The following SLC25A25 variants were observed in gnomAD, a reference collection of about 807,000 sequenced individuals.
SLC25A25 encodes the protein solute carrier family 25 member 25.
SLC25A25 carries 32 observed loss-of-function variants against 57.7 expected under a neutral mutation model. The ratio of observed to expected loss-of-function variants is 0.55; its 90% CI spans 0.42 to 0.74. The LOEUF (loss-of-function observed/expected upper bound fraction) is 0.74. Ranked by LOEUF, SLC25A25 falls within the 30% of genes least tolerant of loss-of-function variation. The pLI, the probability that SLC25A25 is intolerant of heterozygous loss-of-function variation, is 0.00. For synonymous variants in SLC25A25, 306 were observed against 291.2 expected, an observed-to-expected ratio of 1.05 and a Z score of -0.52; for missense variants, 556 against 701.3, an observed-to-expected ratio of 0.79 and a Z score of 2.34.
intron 1 of SLC25A25, among the ~76,000 whole-genome samples, chr9:128,075,519 G>GT (rs1312005737): frequency 2.0e-5 from 3 of 151,796 alleles, no homozygotes; most frequent in Non-Finnish European, 2.9e-5. Context: ...CCCCATCTCT[G>GT]TTTTTTATAA....
At chr9:128,068,883 A>C (rs1430105636) in intron 1 of SLC25A25, among the ~76,000 whole-genome samples, 1 of 151,824 alleles carries the variant, frequency 6.6e-6, no homozygotes, top group African/African-American at 2.4e-5. Flanking sequence ...TGCCTTTGTC[A>C]CCTCCTGACC....
chr9:128,068,888 C>G (rs1330840944), intron 1 of SLC25A25, among the ~76,000 whole-genome samples: 2 of 152,188 alleles, frequency 1.3e-5, no homozygotes, highest in African/African-American at 4.8e-5. Context: ...TTGTCACCTC[C>G]TGACCTCAAG....
chr9:128,102,229 C>T lies in SLC25A25; in HGVS notation c.512+114C>T, dbSNP rs1411988131. 1 of 1,436,612 alleles carries T rather than the reference C, an allele frequency of 7.0e-7. No individual in the cohort carries two copies. The highest frequency in any genetic ancestry group is 2.5e-5 in the East Asian group (1 of 40,204). The allele number at this position is 1,436,612 out of a possible 1,614,324, so 89.0% of individuals were successfully genotyped here. A position where few individuals can be genotyped will look rare whatever the true frequency, so the allele number is the denominator to read the frequency against. ...TGTGCTAAGTGGGGTGTGGAGCCCC[C>T]TGCTCTTTCTCCTGGGGGCAGAGGC... On this transcript the variant is annotated intron_variant, in intron 4 of 10. Coordinates refer to ENST00000373069, the MANE Select transcript of SLC25A25 (RefSeq NM_001330988.2). The surrounding 1 kb of genome is among the most constrained non-coding windows in gnomAD (Gnocchi z 4.1).
chr9:128,103,706 C>T lies in SLC25A25; in HGVS notation c.650C>T (p.Thr217Met), dbSNP rs370988341. The change falls in exon 6 of 11, where the codon ACG becomes ATG. Residue 217 changes from threonine to methionine, a missense_variant. This residue lies in a region of SLC25A25 where 14 missense variants were observed against 38.2 expected (regional missense o/e 0.37). Transcript: ENST00000373069. This position sits in a 1 kb window ranked among gnomAD's most constrained non-coding sequence, Gnocchi z 6.7. ...ATCTTTGATGTGGGTGAGAATCTAACGGTCCCGGATGAGTTCACAGTGGAG... is the reference window on the plus strand; with the variant it reads ...ATCTTTGATGTGGGTGAGAATCTAATGGTCCCGGATGAGTTCACAGTGGAG... ...STIFDVGENL[T>M]VPDEFTVEER... The T allele has an allele frequency of 4.7e-5, 76 of 1,614,054 alleles. No homozygotes were observed. The highest frequency in any genetic ancestry group is 6.7e-5 in the African/African-American group (5 of 74,904).
Position 128,106,478 on chromosome 9 carries a change from G to T in SLC25A25, c.1170G>T (p.Leu390=), listed in dbSNP as rs1474698856. 1 of 1,612,250 alleles carries T rather than the reference G, an allele frequency of 6.2e-7. No homozygotes were observed. Among genetic ancestry groups the T allele is most frequent in the African/African-American group, 1.3e-5 (1 of 74,906 alleles). The change falls in exon 9 of 11, where the codon CTG becomes CTT. Residue 390 remains leucine (L), a synonymous_variant. Coordinates refer to ENST00000373069, the MANE Select transcript of SLC25A25 (RefSeq NM_001330988.2). ...ACAAAGGCTATGTCCCCAACATGCT[G>T]GGCATCATCCCCTATGCCGGCATCG... The part of the protein sequence containing the change: ...AFYKGYVPNM[L]GIIPYAGIDL...
In SLC25A25 at chr9:128,101,186, A is replaced by T. The variant is rs761463295; in HGVS notation, c.352A>T (p.Arg118Trp). The T allele has an allele frequency of 6.2e-7, 1 of 1,614,256 alleles. No individual in the cohort carries two copies. Among genetic ancestry groups the T allele is most frequent in the Non-Finnish European group, 8.5e-7 (1 of 1,180,046 alleles). The change falls in exon 2 of 11, where the codon AGG becomes TGG. Residue 118 changes from arginine to tryptophan, a missense_variant. Arg to Trp is a moderately radical substitution (Grantham distance 101). Coordinates refer to ENST00000373069, the MANE Select transcript of SLC25A25 (RefSeq NM_001330988.2). This position sits in a 1 kb window ranked among gnomAD's most constrained non-coding sequence, Gnocchi z 4.9. ...HYLQDHEKKL[R>W]LVFKSLDKKN... ...TCTCCAAGATCATGAGAAGAAGCTGAGGCTGGTGTTTAAGAGTTTGGACAA... is the reference window on the plus strand; with the variant it reads ...TCTCCAAGATCATGAGAAGAAGCTGTGGCTGGTGTTTAAGAGTTTGGACAA...
intron 9 of SLC25A25, 149 bp downstream of exon 9, chr9:128,106,669 C>T (rs934834477): frequency 5.5e-5 from 59 of 1,075,610 alleles, no homozygotes; most frequent in Middle Eastern, 3.2e-4. Context: ...AGCTTTCCTT[C>T]ACCCTGCCTG....
At chr9:128,074,570 G>C (rs1028497396) in intron 1 of SLC25A25, among the ~76,000 whole-genome samples, 8 of 151,330 alleles carry the variant, frequency 5.3e-5, no homozygotes, top group African/African-American at 1.9e-4. Flanking sequence ...TTAGCCGGGC[G>C]TGGTGGCACA....
rs1009214810 is a variant in SLC25A25, at chr9:128,099,817, C to T, written c.262-1279C>T. ...AGGCGCGGTGGTGATCCTTTGAGGACGCGAGCTAGCCAGTGGGCCATCCAT... is the reference window on the plus strand; with the variant it reads ...AGGCGCGGTGGTGATCCTTTGAGGATGCGAGCTAGCCAGTGGGCCATCCAT... On this transcript the variant is annotated intron_variant, in intron 1 of 10. Transcript: ENST00000373069. This position sits in a 1 kb window ranked among gnomAD's most constrained non-coding sequence, Gnocchi z 6.8. 7.2e-5 allele frequency among the ~76,000 whole-genome samples: 11 copies of T among 152,260 alleles called. No individual in the cohort carries two copies. Among genetic ancestry groups the T allele is most frequent in the African/African-American group, 2.2e-4 (9 of 41,534 alleles).
intron 7 of SLC25A25, 63 bp from the exon 8 acceptor site, chr9:128,106,086 AG>A (rs930922577): frequency 1.6e-5 from 25 of 1,586,686 alleles, no homozygotes; most frequent in Non-Finnish European, 1.9e-5. Flanking sequence ...CCTGGAAGGG[AG>A]GGGCAGCAGC....
Position 128,102,246 on chromosome 9 carries a change from G to A in SLC25A25, c.513-124G>A. 7.1e-7 allele frequency: 1 copy of A among 1,410,426 alleles called. No homozygotes were observed. Among genetic ancestry groups the A allele is most frequent in the African/African-American group, 1.4e-5 (1 of 70,166 alleles). The allele number at this position is 1,410,426 out of a possible 1,614,324, so 87.4% of individuals were successfully genotyped here. A position where few individuals can be genotyped will look rare whatever the true frequency, so the allele number is the denominator to read the frequency against. Reference sequence around the variant, plus strand: ...GGAGCCCCCTGCTCTTTCTCCTGGGGGCAGAGGCACCTCGTGTGGTTTCTG... The same window carrying A: ...GGAGCCCCCTGCTCTTTCTCCTGGGAGCAGAGGCACCTCGTGTGGTTTCTG... On this transcript the variant is annotated intron_variant, in intron 4 of 10. Transcript: ENST00000373069. This position sits in a 1 kb window ranked among gnomAD's most constrained non-coding sequence, Gnocchi z 4.1.
chr9:128,091,241 G>A (rs1293878741), intron 1 of SLC25A25: 3 of 176,198 alleles, frequency 1.7e-5, no homozygotes, highest in African/African-American at 2.4e-5. Context: ...TTTTGCTACG[G>A]AGCCAGCTCA....
chr9:128,077,965 G>A (rs541424863), intron 1 of SLC25A25, among the ~76,000 whole-genome samples: 1 of 151,948 alleles, frequency 6.6e-6, no homozygotes, highest in African/African-American at 2.4e-5. Context: ...GTTGGAGGTT[G>A]CAGTGAACCG....
chr9:128,101,954 G>T lies in SLC25A25; in HGVS notation c.477-126G>T. On this transcript the variant is annotated intron_variant, in intron 3 of 10. Transcript: ENST00000373069. This position sits in a 1 kb window ranked among gnomAD's most constrained non-coding sequence, Gnocchi z 4.9. ...CAGCAGCCCTGGGCTCAGCTGCTGT[G>T]GCGGGCTCGTCTCGTGCCGTGCTGT... is the stretch of plus-strand genomic sequence containing the variant. The T allele has an allele frequency of 9.4e-7, 1 of 1,068,112 alleles. No individual in the cohort carries two copies. The highest frequency in any genetic ancestry group is 1.5e-5 in the South Asian group (1 of 66,310). 66.2% of individuals were successfully genotyped at this position (1,068,112 alleles called of 1,614,324 possible). A position where few individuals can be genotyped will look rare whatever the true frequency, so the allele number is the denominator to read the frequency against.
At chr9:128,087,258 A>G (rs1271140012) in intron 1 of SLC25A25, among the ~76,000 whole-genome samples, 1 of 151,672 alleles carries the variant, frequency 6.6e-6, no homozygotes, top group Non-Finnish European at 1.5e-5. Context: ...CTTTTATTTT[A>G]TTGTATTTTA....
At position 128,108,632 on chromosome 9, in the gene SLC25A25, T is replaced by C. The variant is rs1254968410; in HGVS notation, c.*1188T>C. 6.4e-6 allele frequency: 1 copy of C among 157,432 alleles called. No homozygotes were observed. Among genetic ancestry groups the C allele is most frequent in the Non-Finnish European group, 1.4e-5 (1 of 71,656 alleles). The allele number at this position is 157,432 out of a possible 1,614,324, so 9.8% of individuals were successfully genotyped here. A position where few individuals can be genotyped will look rare whatever the true frequency, so the allele number is the denominator to read the frequency against. Reference sequence around the variant, plus strand: ...TCATATTTATGTTCATGGTTGATTGTACCTTCCCAAGCCCGCCCAGTGGGA... The same window carrying C: ...TCATATTTATGTTCATGGTTGATTGCACCTTCCCAAGCCCGCCCAGTGGGA... On this transcript the variant is annotated 3_prime_UTR_variant, in exon 11 of 11. Coordinates refer to ENST00000373069, the MANE Select transcript of SLC25A25 (RefSeq NM_001330988.2).
chr9:128,107,704 T>C lies in SLC25A25; in HGVS notation c.*260T>C, dbSNP rs780375217. On this transcript the variant is annotated 3_prime_UTR_variant, in exon 11 of 11. Coordinates refer to ENST00000373069, the MANE Select transcript of SLC25A25 (RefSeq NM_001330988.2). ...AGGGTCAGCAGGCTCCGGGCTCACATGTGTAAGGACAGGACATTTTCTGCA... is the reference window on the plus strand; with the variant it reads ...AGGGTCAGCAGGCTCCGGGCTCACACGTGTAAGGACAGGACATTTTCTGCA... 1.7e-4 allele frequency: 74 copies of C among 429,404 alleles called. No homozygotes were observed. The highest frequency in any genetic ancestry group is 2.5e-4 in the Non-Finnish European group (61 of 244,384). The allele number at this position is 429,404 out of a possible 1,614,324, so 26.6% of individuals were successfully genotyped here.
At chr9:128,097,353 C>T (rs1833591483) in intron 1 of SLC25A25, among the ~76,000 whole-genome samples, 2 of 152,234 alleles carry the variant, frequency 1.3e-5, no homozygotes, top group Non-Finnish European at 2.9e-5. Context: ...GTGAAGTTTC[C>T]GCTGTGGCAG....
chr9:128,106,078 T>C, intron 7 of SLC25A25, 72 bp from the exon 8 acceptor site: 1 of 1,593,514 alleles, frequency 6.3e-7, no homozygotes, highest in Non-Finnish European at 8.6e-7. Context: ...CGGGGACTCC[T>C]GGAAGGGAGG....
Sources: allele counts gnomAD v4.1 joint callset (sites outside exome capture counted in the v4.1 genomes callset), GRCh38; gene constraint gnomAD v4.1.1; regional missense constraint gnomAD v4.1.1; non-coding constraint Gnocchi (gnomAD v3.1); transcripts MANE v1.5; gene names NCBI Gene and HGNC (gene_info 2026-07-23, HGNC 2026-07-21).